Variants in CSMD1 observed in about 807,000 individuals in gnomAD.
CSMD1 encodes CUB and Sushi multiple domains 1, also known as CUB and sushi domain-containing protein 1.
In CSMD1, 213 loss-of-function variants were observed where a neutral mutation model predicts 417.5. The observed-to-expected ratio is 0.51, with a 90% confidence interval of 0.46 to 0.57. The LOEUF is 0.57. Ranked by LOEUF, CSMD1 falls within the 20% of genes least tolerant of loss-of-function variation. The pLI is 0.00. For synonymous variants in CSMD1, 2,862 were observed against 1,736.8 expected (o/e 1.65, Z -16.11); for missense variants, 6,923 against 4,529.7 (o/e 1.53, Z -15.17).
intron 40 of CSMD1, among the ~76,000 whole-genome samples, chr8:3,149,413 T>C (rs1337897472): frequency 2.0e-5 from 3 of 152,116 alleles, no homozygotes; most frequent in African/African-American, 7.2e-5. Flanking sequence ...CACTTTTTTG[T>C]TGTTGTTGTT....
chr8:3,823,134 T>C (rs1385536731), intron 5 of CSMD1, among the ~76,000 whole-genome samples: 2 of 152,206 alleles, frequency 1.3e-5, no homozygotes, highest in Non-Finnish European at 2.9e-5. Flanking sequence ...ATCCCAAAGG[T>C]ATAAACTGTG....
intron 2 of CSMD1, among the ~76,000 whole-genome samples, chr8:4,554,054 C>G (rs951414122): frequency 1.4e-4 from 22 of 152,182 alleles, no homozygotes; most frequent in Non-Finnish European, 2.8e-4. Flanking sequence ...TCCCTGCTGT[C>G]TCGTCAGTAC....
chr8:3,440,004 T>C (rs1352255999), intron 12 of CSMD1, among the ~76,000 whole-genome samples: 1 of 152,210 alleles, frequency 6.6e-6, no homozygotes, highest in African/African-American at 2.4e-5. Flanking sequence ...TTCCATTCCA[T>C]TAATCTCTGT....
At chr8:4,090,621 T>G (rs1437484408) in intron 3 of CSMD1, among the ~76,000 whole-genome samples, 2 of 152,214 alleles carry the variant, frequency 1.3e-5, no homozygotes, top group Non-Finnish European at 2.9e-5. Flanking sequence ...ATTCTCAGAA[T>G]TGTAAAAGAA....
Position 3,350,088 on chromosome 8 carries a change from T to C in CSMD1, c.3305-1927A>G, listed in dbSNP as rs558463700. Among the ~76,000 whole-genome samples the C allele has an allele frequency of 6.6e-4, 87 of 131,910 alleles. 3 individuals are homozygous for C. Among genetic ancestry groups the C allele is most frequent in the African/African-American group, 1.4e-3 (43 of 30,422 alleles). The allele number at this position is 131,910 out of a possible 152,430, so 86.5% of individuals were successfully genotyped here. Reference sequence around the variant, plus strand: ...GTGTATGTGTGTGTTATAATACCTATAATAACCTATAATAACTTGTGTATG... The same window carrying C: ...GTGTATGTGTGTGTTATAATACCTACAATAACCTATAATAACTTGTGTATG... On this transcript the variant is annotated intron_variant, in intron 21 of 69. Transcript: ENST00000635120.
At chr8:4,262,883 C>T (rs950510951) in intron 3 of CSMD1, among the ~76,000 whole-genome samples, 4 of 152,148 alleles carry the variant, frequency 2.6e-5, no homozygotes, top group African/African-American at 9.7e-5. Flanking sequence ...ATTTGCAACT[C>T]AAAACTGCCA....
chr8:3,988,540 C>T (rs1212468931), intron 5 of CSMD1, among the ~76,000 whole-genome samples: 3 of 152,182 alleles, frequency 2.0e-5, no homozygotes, highest in Non-Finnish European at 2.9e-5. Context: ...AATCTCTGGA[C>T]TCACTCCAGA....
intron 42 of CSMD1, among the ~76,000 whole-genome samples, chr8:3,113,807 G>A (rs1196846420): frequency 6.6e-6 from 1 of 152,232 alleles, no homozygotes; most frequent in African/African-American, 2.4e-5. Context: ...CCTTGGCACA[G>A]GAGGGCGGAG....
intron 2 of CSMD1, among the ~76,000 whole-genome samples, chr8:4,520,940 C>G (rs1229951284): frequency 6.6e-6 from 1 of 152,054 alleles, no homozygotes; most frequent in Non-Finnish European, 1.5e-5. Flanking sequence ...TTAGTCATAT[C>G]AGTTATGAAT....
At chr8:4,076,877 A>T (rs994929117) in intron 3 of CSMD1, among the ~76,000 whole-genome samples, 1 of 152,138 alleles carries the variant, frequency 6.6e-6, no homozygotes, top group Non-Finnish European at 1.5e-5. Flanking sequence ...TTTTTCCATT[A>T]TCTTTCCAGT....
chr8:3,511,765 AACATAACATAAC>A (rs1797079310), intron 10 of CSMD1, among the ~76,000 whole-genome samples: 1 of 13,594 alleles, frequency 7.4e-5, no homozygotes, highest in Non-Finnish European at 2.0e-4. Context: ...CTAAAAAAAT[AACATAACATAAC>A]ATAACATAAC....
intron 5 of CSMD1, among the ~76,000 whole-genome samples, chr8:3,809,063 G>T (rs533208314): frequency 6.6e-6 from 1 of 152,228 alleles, no homozygotes; most frequent in African/African-American, 2.4e-5. Flanking sequence ...ACAGCCCCTG[G>T]GGAATCACGC....
intron 26 of CSMD1, among the ~76,000 whole-genome samples, chr8:3,267,534 A>T (rs1801524362): frequency 6.6e-6 from 1 of 152,192 alleles, no homozygotes; most frequent in Non-Finnish European, 1.5e-5. Flanking sequence ...GAATCCAGGC[A>T]GATGCTGGGC....
In CSMD1 at chr8:4,627,422, C is replaced by G. The variant is rs549259187; in HGVS notation, c.302+9920G>C. 1.2e-4 allele frequency among the ~76,000 whole-genome samples: 18 copies of G among 152,220 alleles called. No homozygotes were observed. In the East Asian group the frequency reaches 3.1e-3, roughly 26 times the overall value. On this transcript the variant is annotated intron_variant, in intron 2 of 69. Transcript: ENST00000635120. ...CCCACTAAACTATTTCAACAAACTACTTCTGTGGATTTGATACCTGAAGAA... is the reference window on the plus strand; with the variant it reads ...CCCACTAAACTATTTCAACAAACTAGTTCTGTGGATTTGATACCTGAAGAA...
At chr8:3,965,074 C>A (rs922374950) in intron 5 of CSMD1, among the ~76,000 whole-genome samples, 1 of 152,134 alleles carries the variant, frequency 6.6e-6, no homozygotes, top group South Asian at 2.1e-4. Context: ...ATAAAGCACT[C>A]GCCGCAGTAG....
chr8:3,172,731 C>T (rs148067752), intron 37 of CSMD1, among the ~76,000 whole-genome samples: 1 of 152,282 alleles, frequency 6.6e-6, no homozygotes, highest in East Asian at 1.9e-4. Flanking sequence ...CTGTGAAGGT[C>T]ATTCCTAAAG....
intron 6 of CSMD1, among the ~76,000 whole-genome samples, chr8:3,721,186 C>T (rs1202658580): frequency 6.6e-6 from 1 of 152,034 alleles, no homozygotes; most frequent in Non-Finnish European, 1.5e-5. Flanking sequence ...TTTTCTCCAG[C>T]CTCTGCGTGA....
At chr8:4,036,183 T>G (rs554367673) in intron 3 of CSMD1, among the ~76,000 whole-genome samples, 1 of 152,180 alleles carries the variant, frequency 6.6e-6, no homozygotes, top group Non-Finnish European at 1.5e-5. Context: ...TGCTCTGTGA[T>G]GTTTGCACAG....
At chr8:4,308,886 A>C (rs1798402886) in intron 3 of CSMD1, among the ~76,000 whole-genome samples, 1 of 152,202 alleles carries the variant, frequency 6.6e-6, no homozygotes, top group African/African-American at 2.4e-5. Context: ...CTATAAACAC[A>C]TGGTTTAAAA....
Sources: gnomAD v4.1 joint callset for allele counts (sites outside exome capture counted in the v4.1 genomes callset) on GRCh38, gnomAD v4.1.1 for gene constraint, MANE v1.5 for transcripts, NCBI Gene and HGNC (gene_info 2026-07-23, HGNC 2026-07-21) for gene names.